The following CKMT2 variants were observed in gnomAD, a reference collection of about 807,000 sequenced individuals.
The protein encoded by CKMT2 is creatine kinase S-type, mitochondrial.
A neutral mutation model predicts 48.9 loss-of-function variants in CKMT2; 43 were observed. The ratio of observed to expected loss-of-function variants is 0.88; its 90% CI spans 0.69 to 1.13. The LOEUF is 1.13. Ranked by LOEUF, CKMT2 falls within the 50% of genes most tolerant of loss-of-function variation. The probability of loss-of-function intolerance (pLI) is 0.00; values close to 1 mark genes in which losing one functional copy is unlikely to be tolerated. For synonymous variants in CKMT2, 206 were observed against 213.0 expected, an observed-to-expected ratio of 0.97 and a Z score of 0.29; for missense variants, 472 against 555.4, an observed-to-expected ratio of 0.85 and a Z score of 1.51.
Position 81,255,217 on chromosome 5 carries a change from G to T in CKMT2, c.669+3G>T. ...AGGACCAGCAGCGGCTCATCGATGTGAGTAGCAGATGGGGCTCCCTGGGGA... is the reference window on the plus strand; with the variant it reads ...AGGACCAGCAGCGGCTCATCGATGTTAGTAGCAGATGGGGCTCCCTGGGGA... On this transcript the variant is annotated splice_donor_region_variant and intron_variant, in intron 5 of 9. Coordinates refer to ENST00000254035, the MANE Select transcript of CKMT2 (RefSeq NM_001099735.2). 1 of 1,613,572 alleles carries T rather than the reference G, an allele frequency of 6.2e-7. No homozygotes were observed. The highest frequency in any genetic ancestry group is 1.1e-5 in the South Asian group (1 of 91,014).
chr5:81,252,732 A>G lies in CKMT2; in HGVS notation c.190A>G (p.Met64Val). The change falls in exon 3 of 10, where the codon ATG (methionine) becomes GTG (valine). Residue 64 changes from methionine to valine, a missense_variant. Transcript: ENST00000254035. ...AGACCTGCGCAAGCACAACAACTGC[A>G]TGGCCGAGTGCCTCACCCCCGCCAT... ...YPDLRKHNNC[M>V]AECLTPAIYA... 1.2e-6 allele frequency: 2 copies of G among 1,614,200 alleles called. No homozygotes were observed. Among genetic ancestry groups the G allele is most frequent in the South Asian group, 1.1e-5 (1 of 91,084 alleles).
rs200289366 is a variant in CKMT2, at chr5:81,255,187, G to T, written c.642G>T (p.Thr214=). 277 of 1,613,922 alleles carry T rather than the reference G, an allele frequency of 1.7e-4. 1 individual carries two copies. The highest frequency in any genetic ancestry group is 2.2e-4 in the Non-Finnish European group (261 of 1,180,008). Residue 214 remains threonine, a synonymous_variant, in exon 5 of 10, where the codon ACG becomes ACT. Transcript: ENST00000254035. ...GCTACTACAAGCTGTCCGAGATGAC[G>T]GAGCAGGACCAGCAGCGGCTCATCG... ...AGRYYKLSEM[T]EQDQQRLIDD...
chr5:81,238,883 A>T (rs1756339819), intron 1 of CKMT2: 1 of 152,216 alleles, frequency 6.6e-6, no homozygotes, highest in South Asian at 2.1e-4. Context: ...GTAGGTTTTT[A>T]TAGTGATCTG....
intron 1 of CKMT2, among the ~76,000 whole-genome samples, chr5:81,239,912 T>C (rs1342934095): frequency 6.6e-6 from 1 of 152,120 alleles, no homozygotes; most frequent in Non-Finnish European, 1.5e-5. Flanking sequence ...ACTTGTAAAA[T>C]GGGAATAACA....
intron 1 of CKMT2, among the ~76,000 whole-genome samples, chr5:81,241,027 TA>T (rs1469204366): frequency 4.6e-5 from 7 of 152,198 alleles, no homozygotes; most frequent in African/African-American, 1.7e-4. Flanking sequence ...CATTTAATGA[TA>T]ACCTATCATG....
At chr5:81,243,370 T>G (rs1390944403) in intron 1 of CKMT2, among the ~76,000 whole-genome samples, 1 of 152,110 alleles carries the variant, frequency 6.6e-6, no homozygotes, top group African/African-American at 2.4e-5. Context: ...CAGAGAAAGA[T>G]GGACAACAGA....
intron 6 of CKMT2, 54 bp downstream of exon 6, chr5:81,257,054 T>A (rs1334910038): frequency 2.0e-5 from 29 of 1,432,800 alleles, no homozygotes; most frequent in Non-Finnish European, 2.7e-5. Context: ...GTTTTTGAGA[T>A]CACCTGCTTA....
At chr5:81,242,142 G>A (rs933150467) in intron 1 of CKMT2, among the ~76,000 whole-genome samples, 1 of 152,142 alleles carries the variant, frequency 6.6e-6, no homozygotes, top group Non-Finnish European at 1.5e-5. Flanking sequence ...CCTGCACTGG[G>A]CCACCCTAAT....
intron 3 of CKMT2, among the ~76,000 whole-genome samples, chr5:81,253,119 T>G (rs1237419884): frequency 6.6e-6 from 1 of 152,148 alleles, no homozygotes; most frequent in Non-Finnish European, 1.5e-5. Flanking sequence ...TGTGCTAAGA[T>G]CCCTCCCTGT....
intron 1 of CKMT2, among the ~76,000 whole-genome samples, chr5:81,250,192 T>C (rs1474929674): frequency 2.0e-5 from 3 of 152,236 alleles, no homozygotes; most frequent in Non-Finnish European, 2.9e-5. Context: ...TCTTAAGCTA[T>C]ATCTTCCAGT....
Position 81,241,284 on chromosome 5 carries a change from G to A in CKMT2, c.-21+7907G>A, listed in dbSNP as rs1467665641. Among the ~76,000 whole-genome samples, 7 of 152,168 alleles carry A rather than the reference G, an allele frequency of 4.6e-5. No homozygotes were observed. In the East Asian group the frequency reaches 1.2e-3, roughly 25 times the overall value. On this transcript the variant is annotated intron_variant, in intron 1 of 9. Transcript: ENST00000254035. ...TTCCAGAATGTAAGTTACCCCACAA[G>A]CCCATGCAAAAAGGGGAAGAGCTTC... is the stretch of plus-strand genomic sequence containing the variant.
At chr5:81,245,679 G>A (rs1756584506) in intron 1 of CKMT2, among the ~76,000 whole-genome samples, 1 of 152,190 alleles carries the variant, frequency 6.6e-6, no homozygotes, top group Admixed American at 6.5e-5. Context: ...TAGGTCTTAT[G>A]AAGCCTTTGA....
chr5:81,255,527 C>CAGTT (rs1756975204), intron 5 of CKMT2, among the ~76,000 whole-genome samples: 1 of 152,172 alleles, frequency 6.6e-6, no homozygotes, highest in African/African-American at 2.4e-5. Flanking sequence ...TAAATGGGAA[C>CAGTT]AGTTAGGTGT....
At chr5:81,236,514 AAGGTCCCTT>A (rs1334519868) in intron 1 of CKMT2, among the ~76,000 whole-genome samples, 6 of 152,202 alleles carry the variant, frequency 3.9e-5, no homozygotes, top group Non-Finnish European at 7.3e-5. Flanking sequence ...TTGTGTTTGT[AAGGTCCCTT>A]ACATAATGCA....
intron 1 of CKMT2, chr5:81,243,944 T>G: frequency 1.3e-6 from 1 of 772,390 alleles, no homozygotes; most frequent in Non-Finnish European, 1.6e-6. Context: ...CCGCCCACCT[T>G]GGCCTCCCAA....
chr5:81,254,474 G>C lies in CKMT2; in HGVS notation c.430G>C (p.Asp144His), dbSNP rs1340878666. Residue 144 changes from aspartate (D) to histidine (H), a missense_variant, in exon 4 of 10, where the codon GAT becomes CAT. Transcript: ENST00000254035. The stretch of plus-strand genomic sequence containing the variant: ...CCCCAGGGTGATGAAGCACACAACG[G>C]ATCTGGATGCATCAAAGGTAGGCTC... ...YDPRVMKHTT[D>H]LDASKITQGQ... The C allele has an allele frequency of 6.2e-7, 1 of 1,614,084 alleles. No individual in the cohort carries two copies. Among genetic ancestry groups the C allele is most frequent in the Non-Finnish European group, 8.5e-7 (1 of 1,179,986 alleles).
chr5:81,237,770 ATT>A (rs1756292444), intron 1 of CKMT2: 1 of 152,068 alleles, frequency 6.6e-6, no homozygotes, highest in Non-Finnish European at 1.5e-5. Flanking sequence ...TATATACATC[ATT>A]GTTACAAATT....
chr5:81,253,017 A>G, intron 3 of CKMT2, 124 bp downstream of exon 3: 1 of 1,039,716 alleles, frequency 9.6e-7, no homozygotes, highest in Non-Finnish European at 1.5e-6. Context: ...AAGGGCTCTC[A>G]TAAAGGGAAG....
chr5:81,261,347 T>C (rs112636862), intron 8 of CKMT2, among the ~76,000 whole-genome samples: 1 of 152,374 alleles, frequency 6.6e-6, no homozygotes, highest in African/African-American at 2.4e-5. Flanking sequence ...TTGGAAGTTC[T>C]GGCCAGGGCA....
Sources: allele counts gnomAD v4.1 joint callset (sites outside exome capture counted in the v4.1 genomes callset), GRCh38; gene constraint gnomAD v4.1.1; transcripts MANE v1.5; gene names NCBI Gene and HGNC (gene_info 2026-07-23, HGNC 2026-07-21).